SERPINA11: variants seen among roughly 807,000 people sequenced by gnomAD.
The protein encoded by SERPINA11 is serpin family A member 11.
SERPINA11 carries 28 observed loss-of-function variants against 29.4 expected under a neutral mutation model. The observed-to-expected ratio is 0.95, with a 90% CI of 0.70 to 1.30. SERPINA11 has a LOEUF of 1.30. Among genes scored for constraint, SERPINA11 ranks in the 50% most tolerant of loss-of-function variants. SERPINA11 has a pLI of 0.00. For synonymous variants in SERPINA11, 253 were observed against 206.6 expected, an observed-to-expected ratio of 1.22 and a Z score of -1.92; for missense variants, 530 against 507.3, an observed-to-expected ratio of 1.04 and a Z score of -0.43.
chr14:94,451,483 C>T (rs545179512), intron 1 of SERPINA11, among the ~76,000 whole-genome samples: 1 of 152,202 alleles, frequency 6.6e-6, no homozygotes, highest in African/African-American at 2.4e-5. Context: ...AATTGTTCTA[C>T]CCCTGGGTAA....
At position 94,449,549 on chromosome 14, in the gene SERPINA11, C is replaced by CTCTTTCTT. The variant is rs1263623725; in HGVS notation, c.-3-780_-3-773dup. Among the ~76,000 whole-genome samples the CTCTTTCTT allele has an allele frequency of 6.5e-4, 86 of 132,664 alleles. 2 individuals are homozygous for CTCTTTCTT. Among genetic ancestry groups the CTCTTTCTT allele is most frequent in the African/African-American group, 2.3e-3 (71 of 31,144 alleles). 87.0% of individuals were successfully genotyped at this position (132,664 alleles called of 152,430 possible). A position where few individuals can be genotyped will look rare whatever the true frequency, so the allele number is the denominator to read the frequency against. ...TCTTTTTCTTTCTTTCTTTCTCTTT[C>CTCTTTCTT]TCTTTCTTTCTTTCTTTCCTTCCTT... On this transcript the variant is annotated intron_variant, in intron 1 of 4. Transcript: ENST00000334708.
chr14:94,448,290 C>T lies in SERPINA11; in HGVS notation c.485G>A (p.Gly162Glu), dbSNP rs780127162. Residue 162 changes from glycine to glutamate, a missense_variant, in exon 2 of 5, where the codon GGA (glycine) becomes GAA (glutamate). Transcript: ENST00000334708. The part of the protein sequence containing the change: ...HYLDSIKELY[G>E]AFAFSANFTD... ...GAAGTTGGCAGAAAAAGCAAAAGCT[C>T]CATAAAGCTCCTTGATGCTGTCCAA... 1.2e-6 allele frequency: 2 copies of T among 1,614,242 alleles called. No individual in the cohort carries two copies. The highest frequency in any genetic ancestry group is 1.1e-5 in the South Asian group (1 of 91,088).
In SERPINA11 at chr14:94,449,455, TTCTTTCTTTCTTTCTTTCTTTCTTTCTG is replaced by T. The variant is rs1566784690; in HGVS notation, c.-3-706_-3-679del. 3.7e-4 allele frequency among the ~76,000 whole-genome samples: 36 copies of T among 97,792 alleles called. 1 individual carries two copies. The highest frequency in any genetic ancestry group is 2.5e-3 in the East Asian group (11 of 4,400). The allele number at this position is 97,792 out of a possible 152,430, so 64.2% of individuals were successfully genotyped here. A position where few individuals can be genotyped will look rare whatever the true frequency, so the allele number is the denominator to read the frequency against. Reference sequence around the variant, plus strand: ...TTTCTTTCTTTCTTTCTTTCTTTCTTTCTTTCTTTCTTTCTTTCTTTCTTTCTGTCTGTCTGTCTTTCTTTCTCTTTCT... The same window carrying T: ...TTTCTTTCTTTCTTTCTTTCTTTCTTTCTGTCTGTCTTTCTTTCTCTTTCT... On this transcript the variant is annotated intron_variant, in intron 1 of 4. Transcript: ENST00000334708.
intron 1 of SERPINA11, among the ~76,000 whole-genome samples, chr14:94,450,016 G>A (rs1898558243): frequency 6.6e-6 from 1 of 152,198 alleles, no homozygotes; most frequent in Non-Finnish European, 1.5e-5. Flanking sequence ...CCATCTGGAT[G>A]TGTGGATGAA....
Position 94,442,672 on chromosome 14 carries a change from G to A in SERPINA11, c.1203C>T (p.Leu401=), listed in dbSNP as rs759454608. Residue 401 remains leucine (L), a synonymous_variant, in exon 5 of 5, where the codon CTC becomes CTT. Transcript: ENST00000334708. ...AGCTCTGGGTGGTGACCTCCCAAAG[G>A]AGCAAGAGGAAAGGCCTGTTGAAGT... ...HAHFNRPFLL[L]LWEVTTQSLL... is the part of the protein sequence containing the mutation. The A allele has an allele frequency of 6.2e-7, 1 of 1,612,972 alleles. No homozygotes were observed. Among genetic ancestry groups the A allele is most frequent in the Non-Finnish European group, 8.5e-7 (1 of 1,179,550 alleles).
At chr14:94,443,371 C>T (rs927147777) in intron 3 of SERPINA11, 146 bp from the exon 4 acceptor site, 89 of 696,418 alleles carry the variant, frequency 1.3e-4, no homozygotes, top group African/African-American at 1.1e-4. Flanking sequence ...TTCACTATGG[C>T]GGACCATGCC....
chr14:94,449,900 G>C (rs1898555713), intron 1 of SERPINA11, among the ~76,000 whole-genome samples: 1 of 152,166 alleles, frequency 6.6e-6, no homozygotes, highest in Non-Finnish European at 1.5e-5. Context: ...CTGCCCATTG[G>C]AAAGGAAAGG....
At chr14:94,447,149 T>C (rs1898459693) in intron 2 of SERPINA11, among the ~76,000 whole-genome samples, 1 of 151,942 alleles carries the variant, frequency 6.6e-6, no homozygotes. Context: ...ATCTTCAAAC[T>C]GAAAAAGGAA....
chr14:94,442,588 C>A lies in SERPINA11; in HGVS notation c.*18G>T. 1 of 1,583,234 alleles carries A rather than the reference C, an allele frequency of 6.3e-7. No individual in the cohort carries two copies. Among genetic ancestry groups the A allele is most frequent in the Non-Finnish European group, 8.6e-7 (1 of 1,160,642 alleles). ...TGGTCCAGGATGAGATAAGATAACT[C>A]CTGGCCTCCCACCATGGTTACCCTG... On this transcript the variant is annotated 3_prime_UTR_variant, in exon 5 of 5. Coordinates refer to ENST00000334708, the MANE Select transcript of SERPINA11 (RefSeq NM_001080451.2).
Position 94,446,530 on chromosome 14 carries a change from G to C in SERPINA11, c.718C>G (p.Leu240Val). 6.2e-7 allele frequency: 1 copy of C among 1,614,080 alleles called. No homozygotes were observed. The highest frequency in any genetic ancestry group is 8.5e-7 in the Non-Finnish European group (1 of 1,179,916). ...TTTTGGTGCATCATGGGGACCTGGAGAGAAGTCCTCTCATCCACAAAGAAA... is the reference window on the plus strand; with the variant it reads ...TTTTGGTGCATCATGGGGACCTGGACAGAAGTCCTCTCATCCACAAAGAAA... Reference protein sequence around the residue: ...ESFFVDERTSLQVPMMHQKEM... With the variant: ...ESFFVDERTSVQVPMMHQKEM... The change falls in exon 3 of 5, where the codon CTC becomes GTC. Residue 240 changes from leucine to valine, a missense_variant. Transcript: ENST00000334708.
In SERPINA11 at chr14:94,446,339, G is replaced by A. The variant is rs1898437245; in HGVS notation, c.909C>T (p.Leu303=). 3 of 1,612,868 alleles carry A rather than the reference G, an allele frequency of 1.9e-6. No homozygotes were observed. The highest frequency in any genetic ancestry group is 2.5e-6 in the Non-Finnish European group (3 of 1,179,838). ...PQTLRKWGQL[L]LPSLLDLHLP... ...TCTGCTGTGACACTTACCTGGGCAG[G>A]AGCAATTGGCCCCATTTTCTCAGGG... Residue 303 remains leucine, a synonymous_variant, in exon 3 of 5, where the codon CTC becomes CTT. Coordinates refer to ENST00000334708, the MANE Select transcript of SERPINA11 (RefSeq NM_001080451.2).
Position 94,442,673 on chromosome 14 carries a change from A to G in SERPINA11, c.1202T>C (p.Leu401Pro), listed in dbSNP as rs1329973525. Reference sequence around the variant, plus strand: ...GCTCTGGGTGGTGACCTCCCAAAGGAGCAAGAGGAAAGGCCTGTTGAAGTG... The same window carrying G: ...GCTCTGGGTGGTGACCTCCCAAAGGGGCAAGAGGAAAGGCCTGTTGAAGTG... The part of the protein sequence containing the change: ...HAHFNRPFLL[L>P]LWEVTTQSLL... The change falls in exon 5 of 5, where the codon CTC becomes CCC. Residue 401 changes from leucine to proline, a missense_variant. By Grantham distance (98) the Leu-to-Pro change is moderately conservative (BLOSUM62 -3). Coordinates refer to ENST00000334708, the MANE Select transcript of SERPINA11 (RefSeq NM_001080451.2). 1 of 1,613,006 alleles carries G rather than the reference A, an allele frequency of 6.2e-7. No individual in the cohort carries two copies.
intron 2 of SERPINA11, among the ~76,000 whole-genome samples, chr14:94,447,082 A>G (rs745661279): frequency 6.6e-6 from 1 of 152,076 alleles, no homozygotes; most frequent in Non-Finnish European, 1.5e-5. Context: ...CTAGACAACA[A>G]CCTTCTACAG....
chr14:94,448,256 A>G lies in SERPINA11; in HGVS notation c.519T>C (p.Ser173=), dbSNP rs1259957278. The change falls in exon 2 of 5, where the codon TCT becomes TCC. Residue 173 remains serine, a synonymous_variant. Transcript: ENST00000334708. ...CATTAATCTGCCTCCCAGTTGTAAC[A>G]GAATCTGTGAAGTTGGCAGAAAAAG... ...AFAFSANFTD[S]VTTGRQINDY... 2 of 1,614,244 alleles carry G rather than the reference A, an allele frequency of 1.2e-6. No individual in the cohort carries two copies. Among genetic ancestry groups the G allele is most frequent in the Admixed American group, 3.3e-5 (2 of 60,034 alleles).
Position 94,449,404 on chromosome 14 carries a change from CTATTCTTTCTTTCTTTCTT to C in SERPINA11, c.-3-646_-3-628del, listed in dbSNP as rs1566784570. Among the ~76,000 whole-genome samples, 128 of 31,582 alleles carry C rather than the reference CTATTCTTTCTTTCTTTCTT, an allele frequency of 4.1e-3. 8 individuals carry two copies. Among genetic ancestry groups the C allele is most frequent in the African/African-American group, 0.013 (125 of 9,640 alleles). 20.7% of individuals were successfully genotyped at this position (31,582 alleles called of 152,430 possible). On this transcript the variant is annotated intron_variant, in intron 1 of 4. Transcript: ENST00000334708. ...AGCCTCCCTCCCTCTTTCTTTCTTT[CTATTCTTTCTTTCTTTCTT>C]TCTTTCTTTCTTTCTTTCTTTCTTT...
At chr14:94,450,665 A>C (rs1184439743) in intron 1 of SERPINA11, among the ~76,000 whole-genome samples, 1 of 152,188 alleles carries the variant, frequency 6.6e-6, no homozygotes, top group Non-Finnish European at 1.5e-5. Flanking sequence ...TTGCAAACTA[A>C]TGTGATATCT....
intron 3 of SERPINA11, among the ~76,000 whole-genome samples, chr14:94,443,717 T>C (rs902443865): frequency 6.6e-6 from 1 of 152,194 alleles, no homozygotes; most frequent in African/African-American, 2.4e-5. Context: ...CCACTTCAGG[T>C]TCCTCTAGTG....
rs747908111 is a variant in SERPINA11, at chr14:94,443,243, C to G, written c.918-18G>C. 3.7e-6 allele frequency: 6 copies of G among 1,607,556 alleles called. No homozygotes were observed. The highest frequency in any genetic ancestry group is 1.7e-6 in the Non-Finnish European group (2 of 1,176,984). On this transcript the variant is annotated intron_variant, in intron 3 of 4. Transcript: ENST00000334708. ...CCAACAGACTGGAGAGAGAAACAGACAGAGAAATGGTGCTCTCTTGTTAAT... is the reference window on the plus strand; with the variant it reads ...CCAACAGACTGGAGAGAGAAACAGAGAGAGAAATGGTGCTCTCTTGTTAAT...
chr14:94,442,942 C>T, intron 4 of SERPINA11, 133 bp from the exon 5 acceptor site: 2 of 1,261,068 alleles, frequency 1.6e-6, no homozygotes, highest in Middle Eastern at 2.9e-4. Context: ...TGAAGAGATG[C>T]CTTAAAGACT....
Sources: allele counts gnomAD v4.1 joint callset (sites outside exome capture counted in the v4.1 genomes callset), GRCh38; gene constraint gnomAD v4.1.1; transcripts MANE v1.5; gene names NCBI Gene and HGNC (gene_info 2026-07-23, HGNC 2026-07-21).